MRPL37: variants seen among roughly 807,000 people sequenced by gnomAD.
MRPL37 encodes the protein mitochondrial ribosomal protein L37, also known as large ribosomal subunit protein mL37.
MRPL37 carries 34 observed loss-of-function variants against 44.1 expected under a neutral mutation model. The ratio of observed to expected loss-of-function variants is 0.77; its 90% confidence interval spans 0.59 to 1.03. The LOEUF is 1.03. Ranked by LOEUF, MRPL37 falls within the 50% of genes least tolerant of loss-of-function variation. The pLI, the probability that MRPL37 is intolerant of heterozygous loss-of-function variation, is 0.00. For missense variants in MRPL37, 532 were observed against 543.7 expected (o/e 0.98, Z 0.21); for synonymous variants, 212 against 219.5 (o/e 0.97, Z 0.30).
downstream of MRPL37, chr1:54,225,445 T>C (rs1450684469): frequency 2.4e-6 from 3 of 1,225,646 alleles, no homozygotes; most frequent in East Asian, 3.2e-5. Context: ...GGAAAAAAGA[T>C]GTCCCTTTAA....
In MRPL37 at chr1:54,210,003, C is replaced by T; in HGVS notation, c.704C>T (p.Pro235Leu). 1.9e-6 allele frequency: 3 copies of T among 1,614,212 alleles called. No individual in the cohort carries two copies. The highest frequency in any genetic ancestry group is 2.2e-5 in the East Asian group (1 of 44,882). The part of the protein sequence containing the change: ...SGGARLSTKD[P>L]LPTIASREEI... ...GGAGCCCGACTGAGCACTAAGGATCCTCTGCCCACCATCGCCTCCAGAGAG... is the reference window on the plus strand; with the variant it reads ...GGAGCCCGACTGAGCACTAAGGATCTTCTGCCCACCATCGCCTCCAGAGAG... Residue 235 changes from proline to leucine, a missense_variant, in exon 4 of 7, where the codon CCT becomes CTT. Transcript: ENST00000360840.
chr1:54,217,491 A>C (rs35962924), intron 6 of MRPL37, among the ~76,000 whole-genome samples: 2,545 of 152,112 alleles, frequency 0.017, 57 homozygotes, highest in East Asian at 0.07. Context: ...CTGCAGCCTC[A>C]TCTCCTGCCG....
intron 1 of MRPL37, 134 bp from the exon 2 acceptor site, chr1:54,204,884 C>A: frequency 9.8e-7 from 1 of 1,018,506 alleles, no homozygotes; most frequent in Non-Finnish European, 1.4e-6. Context: ...GTTCTATCCC[C>A]TCAGGTGTCA....
At chr1:54,223,239 G>A (rs533624601), downstream of MRPL37, among the ~76,000 whole-genome samples, 15 of 152,302 alleles carry the variant, frequency 9.8e-5, no homozygotes, top group South Asian at 6.2e-4. Flanking sequence ...ACGCTCATCC[G>A]CCTGTAACCC....
chr1:54,205,532 T>G, intron 3 of MRPL37, 122 bp downstream of exon 3: 2 of 791,390 alleles, frequency 2.5e-6, no homozygotes, highest in South Asian at 3.6e-5. Context: ...TCATTCGTGG[T>G]CTCGTTTTGT....
At chr1:54,223,253 C>G (rs1212911743), downstream of MRPL37, among the ~76,000 whole-genome samples, 1 of 152,228 alleles carries the variant, frequency 6.6e-6, no homozygotes, top group Non-Finnish European at 1.5e-5. Flanking sequence ...GTAACCCCAC[C>G]CTGCCCAGCC....
At chr1:54,202,013 T>C (rs1644088280) in intron 1 of MRPL37, among the ~76,000 whole-genome samples, 2 of 151,990 alleles carry the variant, frequency 1.3e-5, no homozygotes, top group Non-Finnish European at 2.9e-5. Flanking sequence ...ACTTTTTTTT[T>C]TTTTTTTGAG....
chr1:54,210,386 A>G (rs1358760573), intron 4 of MRPL37, among the ~76,000 whole-genome samples: 1 of 152,122 alleles, frequency 6.6e-6, no homozygotes, highest in Non-Finnish European at 1.5e-5. Context: ...AAGTAACTCT[A>G]TTACATCAGA....
intron 3 of MRPL37, among the ~76,000 whole-genome samples, chr1:54,208,135 C>T (rs551294819): frequency 3.0e-4 from 45 of 152,302 alleles, no homozygotes; most frequent in Admixed American, 1.4e-3. Context: ...TTGTCACCTA[C>T]GTCTGCATGT....
chr1:54,225,065 C>A, downstream of MRPL37: 1 of 1,231,196 alleles, frequency 8.1e-7, no homozygotes, highest in Non-Finnish European at 1.0e-6. Flanking sequence ...GCCCTCCTGG[C>A]CGATAGCGAC....
At chr1:54,208,466 G>A (rs997038169) in intron 3 of MRPL37, among the ~76,000 whole-genome samples, 3 of 145,274 alleles carry the variant, frequency 2.1e-5, no homozygotes, top group South Asian at 2.2e-4. Context: ...GGAGAATGGC[G>A]TGAACCCGGA....
chr1:54,222,269 C>T (rs1374601946), downstream of MRPL37, among the ~76,000 whole-genome samples: 1 of 152,224 alleles, frequency 6.6e-6, no homozygotes, highest in Admixed American at 6.5e-5. Flanking sequence ...CTACCCCAGC[C>T]TGGAAGGCTT....
downstream of MRPL37, among the ~76,000 whole-genome samples, chr1:54,224,337 C>G (rs1440388711): frequency 6.6e-6 from 1 of 152,168 alleles, no homozygotes; most frequent in Non-Finnish European, 1.5e-5. Flanking sequence ...CAGCTACTCC[C>G]CAACACACCC....
chr1:54,221,542 C>T (rs1644233891), downstream of MRPL37, among the ~76,000 whole-genome samples: 1 of 152,198 alleles, frequency 6.6e-6, no homozygotes, highest in South Asian at 2.1e-4. Flanking sequence ...GGCAGGACCT[C>T]CATCCCTTAG....
intron 3 of MRPL37, among the ~76,000 whole-genome samples, chr1:54,207,861 T>TG (rs1481163767): frequency 9.9e-5 from 15 of 152,230 alleles, no homozygotes; most frequent in African/African-American, 3.1e-4. Flanking sequence ...ACAGTGCTGT[T>TG]GACCAAACCA....
rs1355017671 is a variant in MRPL37 at position 54,212,628 on chromosome 1, T to C, written c.960T>C (p.Ser320=). ...RAKMILFAFG[S]ALAQARLLYG... ...AGATGATCCTGTTTGCTTTTGGCAG[T>C]GCCCTGGCTCAGGCCCGGCTCCTCT... is the stretch of plus-strand genomic sequence containing the variant. Residue 320 remains serine, a synonymous_variant, in exon 5 of 7, where the codon AGT becomes AGC. Transcript: ENST00000360840. 1.2e-6 allele frequency: 2 copies of C among 1,614,232 alleles called. No individual in the cohort carries two copies. The highest frequency in any genetic ancestry group is 3.3e-5 in the Admixed American group (2 of 60,032).
chr1:54,225,085 A>G (rs1224373455), downstream of MRPL37: 4 of 1,234,184 alleles, frequency 3.2e-6, no homozygotes, highest in Non-Finnish European at 4.0e-6. Context: ...CTCCCCATAG[A>G]AAACAGAGGG....
At chr1:54,213,846 G>A (rs565378633) in intron 5 of MRPL37, among the ~76,000 whole-genome samples, 5 of 152,320 alleles carry the variant, frequency 3.3e-5, no homozygotes, top group South Asian at 2.1e-4. Context: ...CCAGGAGTTC[G>A]AGACCAGCCT....
chr1:54,209,684 A>AT (rs756523746), intron 3 of MRPL37, among the ~76,000 whole-genome samples: 15 of 151,798 alleles, frequency 9.9e-5, no homozygotes, highest in Non-Finnish European at 1.9e-4. Flanking sequence ...TGGTCTTGAT[A>AT]TCCTGACCTC....
Sources: gnomAD v4.1 joint callset for allele counts (sites outside exome capture counted in the v4.1 genomes callset) on GRCh38, gnomAD v4.1.1 for gene constraint, MANE v1.5 for transcripts, NCBI Gene and HGNC (gene_info 2026-07-23, HGNC 2026-07-21) for gene names.